The following TTC39B variants were observed in gnomAD, a reference collection of about 807,000 sequenced individuals.
The protein encoded by TTC39B is tetratricopeptide repeat domain 39B.
A neutral mutation model predicts 96.6 loss-of-function variants in TTC39B; 92 were observed. The observed-to-expected ratio is 0.95, with a 90% CI of 0.80 to 1.13. The LOEUF (loss-of-function observed/expected upper bound fraction) is 1.13, where lower values mean the gene tolerates loss of function less well. TTC39B is among the 50% of genes most tolerant of loss of function. The probability of loss-of-function intolerance (pLI) is 0.00; values close to 1 mark genes in which losing one functional copy is unlikely to be tolerated. For synonymous variants in TTC39B, 367 were observed against 299.4 expected (o/e 1.23, Z -2.33); for missense variants, 955 against 809.3 (o/e 1.18, Z -2.18).
chr9:15,264,140 C>T (rs2131542398), intron 2 of TTC39B, among the ~76,000 whole-genome samples: 1 of 152,200 alleles, frequency 6.6e-6, no homozygotes, highest in South Asian at 2.1e-4. Flanking sequence ...AAAACTATAA[C>T]AGAGTTGACA....
chr9:15,295,260 G>T (rs1470020827), intron 1 of TTC39B, among the ~76,000 whole-genome samples: 1 of 152,196 alleles, frequency 6.6e-6, no homozygotes, highest in African/African-American at 2.4e-5. Context: ...CTGTACCACA[G>T]TAGGGCAAAA....
At chr9:15,176,577 T>G (rs1817950965) in intron 18 of TTC39B, among the ~76,000 whole-genome samples, 1 of 152,196 alleles carries the variant, frequency 6.6e-6, no homozygotes, top group Admixed American at 6.5e-5. Context: ...TGTGATTGTT[T>G]TGGCTTGCAG....
intron 3 of TTC39B, among the ~76,000 whole-genome samples, chr9:15,218,168 C>CAAAAAA (rs764511443): frequency 1.7e-5 from 1 of 58,576 alleles, no homozygotes; most frequent in Non-Finnish European, 3.4e-5. Flanking sequence ...GACTCTGTCT[C>CAAAAAA]AAAAAAAAAA....
At chr9:15,250,208 C>A (rs931497665) in intron 2 of TTC39B, 2 of 1,132,572 alleles carry the variant, frequency 1.8e-6, no homozygotes, top group Admixed American at 4.5e-5. Context: ...ACTGCTGTAG[C>A]GGATGCTTCT....
At chr9:15,282,763 G>T (rs1009247383) in intron 1 of TTC39B, among the ~76,000 whole-genome samples, 3 of 152,084 alleles carry the variant, frequency 2.0e-5, no homozygotes, top group African/African-American at 7.2e-5. Context: ...GCACAGAGAG[G>T]TTAAGTAACT....
chr9:15,287,535 C>T (rs1410891508), intron 1 of TTC39B, among the ~76,000 whole-genome samples: 3 of 152,146 alleles, frequency 2.0e-5, no homozygotes, highest in Non-Finnish European at 2.9e-5. Context: ...TAATCTATTG[C>T]CATGTGGTAC....
chr9:15,297,835 A>G (rs1824436850), intron 1 of TTC39B, among the ~76,000 whole-genome samples: 1 of 152,152 alleles, frequency 6.6e-6, no homozygotes, highest in Non-Finnish European at 1.5e-5. Flanking sequence ...CCACAATCTG[A>G]CATGAAAGTC....
At chr9:15,288,143 A>C (rs1824047158) in intron 1 of TTC39B, among the ~76,000 whole-genome samples, 1 of 152,176 alleles carries the variant, frequency 6.6e-6, no homozygotes, top group African/African-American at 2.4e-5. Flanking sequence ...CAAGAATCTC[A>C]ATGTTTTCTA....
At chr9:15,180,640 G>A (rs1818202064) in intron 17 of TTC39B, among the ~76,000 whole-genome samples, 1 of 152,054 alleles carries the variant, frequency 6.6e-6, no homozygotes, top group African/African-American at 2.4e-5. Flanking sequence ...GTAACCTCAG[G>A]TTTACAACTT....
At chr9:15,284,685 G>A (rs547711203) in intron 1 of TTC39B, among the ~76,000 whole-genome samples, 2 of 152,260 alleles carry the variant, frequency 1.3e-5, no homozygotes, top group African/African-American at 2.4e-5. Context: ...AGATTTCTAT[G>A]ACTAGAAAGT....
At chr9:15,207,697 G>T (rs1353682338) in intron 6 of TTC39B, among the ~76,000 whole-genome samples, 1 of 151,948 alleles carries the variant, frequency 6.6e-6, no homozygotes, top group Non-Finnish European at 1.5e-5. Flanking sequence ...AAAAATGGAG[G>T]ATTATCAGCT....
rs139247187 is a variant in TTC39B, at chr9:15,279,212, C to T, written c.241-11264G>A. Reference sequence around the variant, plus strand: ...TAGACCAGGGATGAGCAAAAAGAAACCTCCTGCATGATCTTGCTCCACCCT... The same window carrying T: ...TAGACCAGGGATGAGCAAAAAGAAATCTCCTGCATGATCTTGCTCCACCCT... On this transcript the variant is annotated intron_variant, in intron 1 of 19. Coordinates refer to ENST00000512701, the Ensembl canonical transcript of TTC39B. Among the ~76,000 whole-genome samples the T allele has an allele frequency of 9.9e-5, 15 of 152,212 alleles. No homozygotes were observed. The East Asian group carries it at 2.9e-3, about 29-fold the overall frequency.
At chr9:15,295,068 C>T (rs1010051045) in intron 1 of TTC39B, among the ~76,000 whole-genome samples, 1 of 152,136 alleles carries the variant, frequency 6.6e-6, no homozygotes, top group Non-Finnish European at 1.5e-5. Context: ...TTTTTTGATG[C>T]TTACATGCAC....
At chr9:15,230,322 A>T (rs555058082) in intron 2 of TTC39B, among the ~76,000 whole-genome samples, 6 of 145,440 alleles carry the variant, frequency 4.1e-5, no homozygotes, top group African/African-American at 1.6e-4. Flanking sequence ...TATCACCACA[A>T]TCTAATTTTA....
intron 2 of TTC39B, among the ~76,000 whole-genome samples, chr9:15,251,700 C>CATATAT (rs57422881): frequency 0.022 from 2,107 of 97,944 alleles, 51 homozygotes; most frequent in East Asian, 0.039. Context: ...CATACATATA[C>CATATAT]ATATATATAT....
At chr9:15,233,905 A>G (rs1412400199) in intron 2 of TTC39B, among the ~76,000 whole-genome samples, 5 of 148,284 alleles carry the variant, frequency 3.4e-5, no homozygotes, top group African/African-American at 1.0e-4. Flanking sequence ...CCATCTAGGA[A>G]GTGAGGAGCG....
In TTC39B at chr9:15,249,874, G is replaced by C. The variant is rs542651739; in HGVS notation, c.275+18040C>G. ...CCTCATAGATTTAAAGAGAACATTT[G>C]AATCATAAACCCAGGAACTGCTAAA... is the stretch of plus-strand genomic sequence containing the variant. On this transcript the variant is annotated intron_variant, in intron 2 of 19. Coordinates refer to ENST00000512701, the Ensembl canonical transcript of TTC39B. 13 of 1,186,718 alleles carry C rather than the reference G, an allele frequency of 1.1e-5. 1 individual carries two copies. The South Asian group carries it at 2.1e-4, about 19-fold the overall frequency. The allele number at this position is 1,186,718 out of a possible 1,614,324, so 73.5% of individuals were successfully genotyped here.
Position 15,187,857 on chromosome 9 carries a change from T to C in TTC39B, c.1395+114A>G, listed in dbSNP as rs147854464. 6.4e-4 allele frequency: 721 copies of C among 1,135,044 alleles called. 2 individuals carry two copies. The African/African-American group carries it at 0.01, about 16-fold the overall frequency. 70.3% of individuals were successfully genotyped at this position (1,135,044 alleles called of 1,614,324 possible). On this transcript the variant is annotated intron_variant, in intron 14 of 19. Transcript: ENST00000512701. Reference sequence around the variant, plus strand: ...GGCACATTTCCTCCTTTTGTGGATCTCTAAGTTGAGAAAACACTGTGGTAT... The same window carrying C: ...GGCACATTTCCTCCTTTTGTGGATCCCTAAGTTGAGAAAACACTGTGGTAT...
intron 1 of TTC39B, among the ~76,000 whole-genome samples, chr9:15,295,640 G>C (rs1039534059): frequency 6.6e-6 from 1 of 152,184 alleles, no homozygotes; most frequent in Non-Finnish European, 1.5e-5. Context: ...GACTTTAAAA[G>C]CATAAAGAGA....
Sources: allele counts gnomAD v4.1 joint callset (sites outside exome capture counted in the v4.1 genomes callset), GRCh38; gene constraint gnomAD v4.1.1; transcripts MANE v1.5; gene names NCBI Gene and HGNC (gene_info 2026-07-23, HGNC 2026-07-21).